OTC: variants seen among roughly 807,000 people sequenced by gnomAD.
The protein encoded by OTC is ornithine transcarbamylase, mitochondrial.
A neutral mutation model predicts 30.3 loss-of-function variants in OTC; 3 were observed. That is an observed-to-expected ratio of 0.10 (90% CI 0.05 to 0.26). The LOEUF (loss-of-function observed/expected upper bound fraction) is 0.26. Among genes scored for constraint, OTC ranks in the 10% least tolerant of loss-of-function variants. The pLI, the probability that OTC is intolerant of heterozygous loss-of-function variation, is 1.00. For synonymous variants in OTC, 111 were observed against 99.7 expected (o/e 1.11, Z -0.67); for missense variants, 194 against 260.3 (o/e 0.75, Z 1.75).
chrX:38,352,410 A>G, upstream of OTC: 1 of 309,869 alleles, frequency 3.2e-6, no homozygotes, highest in Non-Finnish European at 5.8e-6. Context: ...TGCGTGTGAC[A>G]GTATAAATAT....
chrX:38,383,459 A>G (rs1334627804), intron 4 of OTC, among the ~76,000 whole-genome samples: 2 of 111,755 alleles, frequency 1.8e-5, no homozygotes, highest in African/African-American at 6.5e-5. Context: ...TTACCCCATA[A>G]TGCTGCTTCT....
intron 4 of OTC, among the ~76,000 whole-genome samples, chrX:38,387,626 A>G (rs12156692): frequency 0.18 from 19,855 of 110,775 alleles, 1,554 homozygotes; most frequent in Middle Eastern, 0.26. Flanking sequence ...TTGATCATTT[A>G]TTGGAAGGAC....
At chrX:38,381,481 A>C in intron 4 of OTC, 52 bp downstream of exon 4, 1 of 786,034 alleles carries the variant, frequency 1.3e-6, no homozygotes, top group Non-Finnish European at 2.0e-6. Flanking sequence ...CTGATGGATA[A>C]ATTTCAAAAA....
intron 4 of OTC, among the ~76,000 whole-genome samples, chrX:38,396,119 ATT>A (rs200519696): frequency 2.0e-5 from 2 of 97,594 alleles, no homozygotes. Context: ...CGCCCGGCTA[ATT>A]TTTTTTTTTT....
At chrX:38,353,540 A>G (rs2068227770) in intron 1 of OTC, among the ~76,000 whole-genome samples, 2 of 111,428 alleles carry the variant, frequency 1.8e-5, no homozygotes, top group Admixed American at 1.9e-4. Context: ...TTATAACCTA[A>G]AGCAACCTTC....
At chrX:38,361,270 G>A (rs1251861391) in intron 1 of OTC, among the ~76,000 whole-genome samples, 5 of 108,771 alleles carry the variant, frequency 4.6e-5, no homozygotes, top group East Asian at 2.8e-4. Context: ...GCGCCGCTGC[G>A]CTCCAGCCTG....
the OTC span, among the ~76,000 whole-genome samples, chrX:38,344,240 TACACACACAC>T: frequency 1.3e-4 from 8 of 61,715 alleles, no homozygotes; most frequent in Non-Finnish European, 3.4e-4. Context: ...TATATATATA[TACACACACAC>T]ACACACACAC....
At chrX:38,357,245 G>T (rs1040696278) in intron 1 of OTC, among the ~76,000 whole-genome samples, 2 of 112,102 alleles carry the variant, frequency 1.8e-5, no homozygotes, top group African/African-American at 6.5e-5. Context: ...ATATTTAAAG[G>T]CACTGCTCTT....
In OTC at chrX:38,375,142, C is replaced by A. The variant is rs190289645; in HGVS notation, c.298+5265C>A. On this transcript the variant is annotated intron_variant, in intron 3 of 9. Transcript: ENST00000039007. ...TCAGTAGACAAAACAGATGAAAATCCATGCCTTCATGGGGCTTACATTCTA... is the reference window on the plus strand; with the variant it reads ...TCAGTAGACAAAACAGATGAAAATCAATGCCTTCATGGGGCTTACATTCTA... Among the ~76,000 whole-genome samples, 541 of 111,764 alleles carry A rather than the reference C, an allele frequency of 4.8e-3. 5 individuals are homozygous for A. Among genetic ancestry groups the A allele is most frequent in the African/African-American group, 0.017 (518 of 30,771 alleles).
In OTC at chrX:38,403,710, C is replaced by T. The variant is rs2147342757; in HGVS notation, c.633C>T (p.Phe211=). Residue 211 remains phenylalanine, a synonymous_variant, in exon 6 of 10, where the codon TTC becomes TTT. Transcript: ENST00000039007. ...LHSIMMSAAK[F]GMHLQAATPK... ...CCATCATGATGAGCGCAGCGAAATT[C>T]GGAATGCACCTTCAGGCAGCTACTC... 4.1e-6 allele frequency: 5 copies of T among 1,210,572 alleles called. No homozygotes were observed. The highest frequency in any genetic ancestry group is 1.8e-5 in the South Asian group (1 of 56,955).
At chrX:38,385,248 C>T (rs894079473) in intron 4 of OTC, among the ~76,000 whole-genome samples, 10 of 111,734 alleles carry the variant, frequency 8.9e-5, no homozygotes, top group East Asian at 2.8e-4. Context: ...CCAGCCTGGG[C>T]GACAGAGCGG....
At chrX:38,339,061 C>T in the OTC span, among the ~76,000 whole-genome samples, 2 of 111,784 alleles carry the variant, frequency 1.8e-5, no homozygotes, top group African/African-American at 3.3e-5. Flanking sequence ...GGGGTGGGTT[C>T]GGATGCCAGG....
At chrX:38,339,904 G>GT in the OTC span, among the ~76,000 whole-genome samples, 1 of 111,504 alleles carries the variant, frequency 9.0e-6, no homozygotes, top group East Asian at 2.8e-4. Flanking sequence ...TATTTCACCA[G>GT]TTTGATTAAA....
the OTC span, among the ~76,000 whole-genome samples, chrX:38,339,281 T>C: frequency 6.3e-5 from 7 of 111,573 alleles, no homozygotes; most frequent in Non-Finnish European, 1.3e-4. Flanking sequence ...AATCCATCTA[T>C]GTCTAATGCT....
chrX:38,389,715 A>G (rs1378864540), intron 4 of OTC, among the ~76,000 whole-genome samples: 1 of 111,631 alleles, frequency 9.0e-6, no homozygotes, highest in Non-Finnish European at 1.9e-5. Flanking sequence ...CAGAGCGTCA[A>G]GGACAGGGGC....
At chrX:38,367,083 C>G (rs141768896) in intron 1 of OTC, among the ~76,000 whole-genome samples, 157 of 108,184 alleles carry the variant, frequency 1.5e-3, no homozygotes, top group Non-Finnish European at 2.5e-3. Context: ...GTGGCTGAAG[C>G]AGGAGAATCG....
intron 4 of OTC, among the ~76,000 whole-genome samples, chrX:38,390,643 G>A (rs2068424613): frequency 1.8e-5 from 2 of 111,915 alleles, no homozygotes; most frequent in African/African-American, 6.5e-5. Context: ...AGGACCCTAT[G>A]AGAATACAAC....
chrX:38,400,095 T>A (rs2068477761), intron 4 of OTC, among the ~76,000 whole-genome samples: 1 of 111,593 alleles, frequency 9.0e-6, no homozygotes, highest in African/African-American at 3.3e-5. Context: ...AAATATCCTT[T>A]TTAAATTAAA....
intron 8 of OTC, among the ~76,000 whole-genome samples, chrX:38,411,364 GA>G (rs368378566): frequency 0.032 from 1,822 of 56,453 alleles, 14 homozygotes; most frequent in Non-Finnish European, 0.036. Flanking sequence ...AATTTAAAAA[GA>G]AAAAAAAAAA....
Sources: allele counts gnomAD v4.1 joint callset (sites outside exome capture counted in the v4.1 genomes callset), GRCh38; gene constraint gnomAD v4.1.1; transcripts MANE v1.5; gene names NCBI Gene and HGNC (gene_info 2026-07-23, HGNC 2026-07-21).